Variants in LINGO2 observed in about 807,000 individuals in gnomAD.
The protein encoded by LINGO2 is leucine-rich repeat and immunoglobulin-like domain-containing nogo receptor-interacting protein 2.
A neutral mutation model predicts 30.6 loss-of-function variants in LINGO2; 14 were observed. The observed-to-expected ratio is 0.46, with a 90% confidence interval of 0.30 to 0.72. The LOEUF (loss-of-function observed/expected upper bound fraction) is 0.72, where lower values mean the gene tolerates loss of function less well. LINGO2 is among the 30% of genes least tolerant of loss of function. LINGO2 has a pLI of 0.07. For missense variants in LINGO2, 729 were observed against 751.7 expected (o/e 0.97, Z 0.35); for synonymous variants, 317 against 288.5 (o/e 1.10, Z -1.00).
chr9:29,206,991 C>G, the LINGO2 span, among the ~76,000 whole-genome samples: 2 of 151,824 alleles, frequency 1.3e-5, no homozygotes, highest in Admixed American at 6.6e-5. Context: ...CCTCACCTCA[C>G]GAGGACTGCT....
At chr9:28,708,188 G>A in the LINGO2 span, among the ~76,000 whole-genome samples, 12 of 152,134 alleles carry the variant, frequency 7.9e-5, no homozygotes, top group African/African-American at 2.9e-4. Context: ...CATATAATTA[G>A]AAGGCATGTT....
At chr9:28,940,284 A>C in the LINGO2 span, among the ~76,000 whole-genome samples, 1 of 151,932 alleles carries the variant, frequency 6.6e-6, no homozygotes, top group East Asian at 1.9e-4. Flanking sequence ...ATGGTACCCC[A>C]CTCCTCAGCC....
At chr9:28,424,039 A>G (rs1823309253) in intron 2 of LINGO2, among the ~76,000 whole-genome samples, 1 of 152,090 alleles carries the variant, frequency 6.6e-6, no homozygotes, top group Admixed American at 6.6e-5. Context: ...TTATGGGCTC[A>G]TGCCACCAAT....
intron 5 of LINGO2, among the ~76,000 whole-genome samples, chr9:27,994,348 T>TA (rs1821548959): frequency 1.3e-5 from 2 of 152,016 alleles, no homozygotes; most frequent in African/African-American, 2.4e-5. Flanking sequence ...ATTTCGTTTT[T>TA]AAAAAAAGTT....
chr9:28,925,262 T>C, the LINGO2 span, among the ~76,000 whole-genome samples: 1 of 152,238 alleles, frequency 6.6e-6, no homozygotes, highest in Non-Finnish European at 1.5e-5. Context: ...GTCTTTGGAA[T>C]GTCCTTTCTG....
chr9:28,276,701 C>T (rs964379353), intron 4 of LINGO2, among the ~76,000 whole-genome samples: 6 of 152,162 alleles, frequency 3.9e-5, no homozygotes, highest in African/African-American at 1.4e-4. Flanking sequence ...CTACTTCTCG[C>T]ATATTATATT....
chr9:28,158,157 G>A lies in LINGO2; in HGVS notation c.-87+137051C>T, dbSNP rs548251331. On this transcript the variant is annotated intron_variant, in intron 4 of 5. Coordinates refer to ENST00000379992, the Ensembl canonical transcript of LINGO2. ...ATGGCTGGGGAGACCTCACAATCAC[G>A]GCAGAAGGTGAAAGGCACATCTCAC... 9.9e-4 allele frequency among the ~76,000 whole-genome samples: 150 copies of A among 152,248 alleles called. 1 individual carries two copies. Among genetic ancestry groups the A allele is most frequent in the African/African-American group, 3.4e-3 (143 of 41,534 alleles).
the LINGO2 span, among the ~76,000 whole-genome samples, chr9:28,826,547 A>T: frequency 6.6e-6 from 1 of 152,116 alleles, no homozygotes; most frequent in Non-Finnish European, 1.5e-5. Flanking sequence ...ATGCTCCAGC[A>T]CACACACACA....
At chr9:28,082,589 G>C (rs1465919613) in intron 4 of LINGO2, among the ~76,000 whole-genome samples, 5 of 152,208 alleles carry the variant, frequency 3.3e-5, no homozygotes, top group Middle Eastern at 3.4e-3. Context: ...ACAAATACTA[G>C]AGGCTTTGAA....
the LINGO2 span, among the ~76,000 whole-genome samples, chr9:28,844,897 G>C: frequency 3.1e-4 from 47 of 151,970 alleles, no homozygotes; most frequent in South Asian, 8.3e-3. Context: ...GTTTGTGACA[G>C]AGGGACTAAA....
chr9:28,394,266 C>CT (rs1384906784), intron 2 of LINGO2, among the ~76,000 whole-genome samples: 2 of 152,144 alleles, frequency 1.3e-5, no homozygotes, highest in African/African-American at 4.8e-5. Context: ...TTTGCCAGGC[C>CT]TTTTTCTGAT....
chr9:28,358,374 T>C (rs901166897), intron 3 of LINGO2, among the ~76,000 whole-genome samples: 2 of 152,148 alleles, frequency 1.3e-5, no homozygotes, highest in African/African-American at 2.4e-5. Flanking sequence ...TCTCCTGTCA[T>C]ATATTACGGT....
At chr9:28,651,682 A>T (rs760121247) in intron 1 of LINGO2, among the ~76,000 whole-genome samples, 1 of 152,160 alleles carries the variant, frequency 6.6e-6, no homozygotes. Flanking sequence ...TTTAAAAAAA[A>T]ACAACAGCCT....
intron 4 of LINGO2, among the ~76,000 whole-genome samples, chr9:28,042,241 G>C (rs1824227978): frequency 6.6e-6 from 1 of 152,024 alleles, no homozygotes. Context: ...ACATGATTAG[G>C]ACATGCTTCA....
the LINGO2 span, among the ~76,000 whole-genome samples, chr9:28,725,449 A>G: frequency 6.6e-6 from 1 of 151,958 alleles, no homozygotes; most frequent in Non-Finnish European, 1.5e-5. Context: ...ATGAATGAAC[A>G]ACGTATCACC....
intron 4 of LINGO2, among the ~76,000 whole-genome samples, chr9:28,294,973 T>G: frequency 6.6e-6 from 1 of 152,188 alleles, no homozygotes; most frequent in East Asian, 1.9e-4. Flanking sequence ...TCTACAGTAT[T>G]CATATGCCTG....
rs7854762 is a variant in LINGO2 at position 28,223,558 on chromosome 9, A to G, written c.-87+71650T>C. Among the ~76,000 whole-genome samples, 1,330 of 152,354 alleles carry G rather than the reference A, an allele frequency of 8.7e-3. 28 individuals carry two copies. Among genetic ancestry groups the G allele is most frequent in the African/African-American group, 0.03 (1,256 of 41,574 alleles). On this transcript the variant is annotated intron_variant, in intron 4 of 5. Coordinates refer to ENST00000379992, the Ensembl canonical transcript of LINGO2. ...GCAGCAAATCAATGTTTTGTTTCATAAAGATTAATTAGATGCTTATCAGGC... is the reference window on the plus strand; with the variant it reads ...GCAGCAAATCAATGTTTTGTTTCATGAAGATTAATTAGATGCTTATCAGGC...
At chr9:29,063,336 T>A in the LINGO2 span, among the ~76,000 whole-genome samples, 1 of 152,022 alleles carries the variant, frequency 6.6e-6, no homozygotes, top group African/African-American at 2.4e-5. Flanking sequence ...CCATTATTAG[T>A]GCTTTAAACT....
the LINGO2 span, among the ~76,000 whole-genome samples, chr9:29,104,960 C>CA: frequency 6.6e-6 from 1 of 152,126 alleles, no homozygotes; most frequent in Admixed American, 6.6e-5. Context: ...CCTCATTCTG[C>CA]ATATGGACAA....
Sources: gnomAD v4.1 joint callset for allele counts (sites outside exome capture counted in the v4.1 genomes callset) on GRCh38, gnomAD v4.1.1 for gene constraint, MANE v1.5 for transcripts, NCBI Gene and HGNC (gene_info 2026-07-23, HGNC 2026-07-21) for gene names.